CLIP2: variants seen among roughly 807,000 people sequenced by gnomAD.
The protein encoded by CLIP2 is CAP-Gly domain containing linker protein 2, also known as CAP-Gly domain-containing linker protein 2.
CLIP2 carries 41 observed loss-of-function variants against 111.7 expected under a neutral mutation model. That is an observed-to-expected ratio of 0.37 (90% CI 0.29 to 0.48). The LOEUF (loss-of-function observed/expected upper bound fraction) is 0.48, where lower values mean the gene tolerates loss of function less well. CLIP2 is among the 20% of genes least tolerant of loss of function. The probability of loss-of-function intolerance (pLI) is 0.99; values close to 1 mark genes in which losing one functional copy is unlikely to be tolerated. For missense variants in CLIP2, 1,160 were observed against 1,422.1 expected (o/e 0.82, Z 2.96); for synonymous variants, 660 against 644.2 (o/e 1.02, Z -0.37).
intron 13 of CLIP2, among the ~76,000 whole-genome samples, chr7:74,394,515 G>T (rs368671912): frequency 1.2e-4 from 18 of 152,306 alleles, no homozygotes; most frequent in African/African-American, 4.3e-4. Flanking sequence ...CTCCCAAAGT[G>T]CTGGGAGCAC....
In CLIP2 at chr7:74,375,808, C is replaced by T. The variant is rs1194686871; in HGVS notation, c.1486-79C>T. On this transcript the variant is annotated intron_variant, in intron 9 of 16. Coordinates refer to ENST00000223398, the MANE Select transcript of CLIP2 (RefSeq NM_003388.5). ...TGCCCTCGAATGGACGCCCCCTACC[C>T]GGCCCCCACCATTGTGCCCTCCTTA... 1.2e-5 allele frequency: 15 copies of T among 1,255,760 alleles called. 1 individual carries two copies. In the South Asian group the frequency reaches 1.3e-4, roughly 11 times the overall value. The allele number at this position is 1,255,760 out of a possible 1,614,324, so 77.8% of individuals were successfully genotyped here.
At chr7:74,333,422 G>A (rs1174542424) in intron 2 of CLIP2, among the ~76,000 whole-genome samples, 1 of 151,704 alleles carries the variant, frequency 6.6e-6, no homozygotes, top group Non-Finnish European at 1.5e-5. Context: ...GACCTCAGGT[G>A]ATCCACCCAC....
intron 2 of CLIP2, among the ~76,000 whole-genome samples, chr7:74,322,923 G>A (rs2116515578): frequency 6.6e-6 from 1 of 151,984 alleles, no homozygotes; most frequent in Admixed American, 6.6e-5. Flanking sequence ...TAGAGATGGG[G>A]TTTCACCATG....
intron 1 of CLIP2, 51 bp from the exon 2 acceptor site, chr7:74,317,429 C>G: frequency 8.1e-7 from 1 of 1,229,230 alleles, no homozygotes; most frequent in Middle Eastern, 2.9e-4. Flanking sequence ...CCTTGAGGGT[C>G]TGGGGGCCAT....
At position 74,404,440 on chromosome 7, in the gene CLIP2, A is replaced by G. The variant is rs1201617606; in HGVS notation, c.*592A>G. The G allele has an allele frequency of 6.4e-6, 1 of 155,884 alleles. No homozygotes were observed. The highest frequency in any genetic ancestry group is 2.4e-5 in the African/African-American group (1 of 41,486). The allele number at this position is 155,884 out of a possible 1,614,324, so 9.7% of individuals were successfully genotyped here. A position where few individuals can be genotyped will look rare whatever the true frequency, so the allele number is the denominator to read the frequency against. On this transcript the variant is annotated 3_prime_UTR_variant, in exon 17 of 17. Coordinates refer to ENST00000223398, the MANE Select transcript of CLIP2 (RefSeq NM_003388.5). ...CTCCCCTCAGCCAGCCTGCCTGCCCAGCGAGGCCCCCAGGTTCAAGGTGTT... is the reference window on the plus strand; with the variant it reads ...CTCCCCTCAGCCAGCCTGCCTGCCCGGCGAGGCCCCCAGGTTCAAGGTGTT...
In CLIP2 at chr7:74,297,820, C is replaced by CT. The variant is rs1397492395; in HGVS notation, c.-68+8096dup. 6.0e-3 allele frequency among the ~76,000 whole-genome samples: 893 copies of CT among 148,112 alleles called. 7 individuals are homozygous for CT. The highest frequency in any genetic ancestry group is 0.021 in the South Asian group (98 of 4,658). On this transcript the variant is annotated intron_variant, in intron 1 of 16. Coordinates refer to ENST00000223398, the MANE Select transcript of CLIP2 (RefSeq NM_003388.5). ...GAGTAGCGGAGGAGGGCATTTTTTT[C>CT]TTTTTTTTTTGAGATGGAGTCTCGT... is the stretch of plus-strand genomic sequence containing the variant.
chr7:74,341,580 G>C (rs943812593), intron 3 of CLIP2, among the ~76,000 whole-genome samples: 24 of 151,748 alleles, frequency 1.6e-4, no homozygotes, highest in Non-Finnish European at 2.5e-4. Flanking sequence ...CCATGGTGAG[G>C]GCTCTGCTTT....
Position 74,403,779 on chromosome 7 carries a change from C to T in CLIP2, c.3130-58C>T, listed in dbSNP as rs1012331277. ...CTTTCCTCCCTGACTCCCCTCTGGCCGCCTGGCCCTCCAGGCTCTCTGAGA... is the reference window on the plus strand; with the variant it reads ...CTTTCCTCCCTGACTCCCCTCTGGCTGCCTGGCCCTCCAGGCTCTCTGAGA... On this transcript the variant is annotated intron_variant, in intron 16 of 16. Transcript: ENST00000223398. 16 of 1,599,546 alleles carry T rather than the reference C, an allele frequency of 1.0e-5. No homozygotes were observed. The East Asian group carries it at 1.8e-4, about 18-fold the overall frequency.
At chr7:74,367,912 A>G (rs1790505535) in intron 8 of CLIP2, among the ~76,000 whole-genome samples, 1 of 151,902 alleles carries the variant, frequency 6.6e-6, no homozygotes, top group South Asian at 2.1e-4. Flanking sequence ...CCGTGTTTCT[A>G]CAAAAATATT....
intron 2 of CLIP2, among the ~76,000 whole-genome samples, chr7:74,323,191 G>C (rs1363718481): frequency 6.6e-6 from 1 of 150,560 alleles, no homozygotes; most frequent in Admixed American, 6.7e-5. Context: ...GCTCACTGCA[G>C]CCTCGACCTC....
At chr7:74,361,176 T>TTTCCTTCCCTCCTTCCTTCCTTCCTTCC (rs1790318982) in intron 7 of CLIP2, among the ~76,000 whole-genome samples, 2 of 62,016 alleles carry the variant, frequency 3.2e-5, no homozygotes, top group Non-Finnish European at 6.7e-5. Context: ...CCCTCCCTTC[T>TTTCCTTCCCTCCTTCCTTCCTTCCTTCC]TTCCTTCCTT....
rs1364934914 is a variant in CLIP2, at chr7:74,390,169, G to GAAAGA, written c.2720+913_2720+917dup. Among the ~76,000 whole-genome samples the GAAAGA allele has an allele frequency of 2.3e-4, 6 of 26,250 alleles. No individual in the cohort carries two copies. In the East Asian group the frequency reaches 3.6e-3, roughly 16 times the overall value. The allele number at this position is 26,250 out of a possible 152,430, so 17.2% of individuals were successfully genotyped here. ...GAAAGAAAAAGAAAGAAAGAAGAAAGAAAGAAAGAAAGAAAGAAAGAAAGA... is the reference window on the plus strand; with the variant it reads ...GAAAGAAAAAGAAAGAAAGAAGAAAGAAAGAAAAGAAAGAAAGAAAGAAAGAAAGA... On this transcript the variant is annotated intron_variant, in intron 13 of 16. Transcript: ENST00000223398.
At chr7:74,354,076 G>A in intron 4 of CLIP2, 72 bp downstream of exon 4, 1 of 1,517,690 alleles carries the variant, frequency 6.6e-7, no homozygotes, top group South Asian at 1.2e-5. Context: ...GGATGGAGAT[G>A]GGACATTGGA....
chr7:74,368,900 A>G (rs1308542073), intron 8 of CLIP2, among the ~76,000 whole-genome samples: 5 of 152,184 alleles, frequency 3.3e-5, no homozygotes, highest in African/African-American at 1.2e-4. Flanking sequence ...CCCAGACGTC[A>G]TATGGCCAAA....
chr7:74,330,839 C>T (rs1169150541), intron 2 of CLIP2, among the ~76,000 whole-genome samples: 1 of 151,972 alleles, frequency 6.6e-6, no homozygotes, highest in Non-Finnish European at 1.5e-5. Context: ...TCAGTTTTTC[C>T]TTTTCTAAAT....
At chr7:74,349,460 G>A (rs1251517002) in intron 3 of CLIP2, among the ~76,000 whole-genome samples, 2 of 78,166 alleles carry the variant, frequency 2.6e-5, no homozygotes, top group African/African-American at 4.7e-5. Context: ...ATGTATGTGT[G>A]TGTGTGTGTG....
chr7:74,398,898 T>G (rs1472063649), intron 14 of CLIP2, among the ~76,000 whole-genome samples: 2 of 152,220 alleles, frequency 1.3e-5, no homozygotes, highest in Non-Finnish European at 2.9e-5. Context: ...TGCGCAGTGC[T>G]GAGCTCAGAC....
At chr7:74,353,128 G>T (rs1236147953) in intron 3 of CLIP2, among the ~76,000 whole-genome samples, 2 of 151,650 alleles carry the variant, frequency 1.3e-5, no homozygotes, top group African/African-American at 4.8e-5. Context: ...TCCAGCCTAG[G>T]CAACAGAGCA....
intron 13 of CLIP2, among the ~76,000 whole-genome samples, chr7:74,392,292 A>G (rs1554315983): frequency 1.3e-5 from 2 of 150,460 alleles, no homozygotes; most frequent in African/African-American, 2.5e-5. Flanking sequence ...CGGAGCTTGG[A>G]GTGAGCCAAG....
Sources: allele counts gnomAD v4.1 joint callset (sites outside exome capture counted in the v4.1 genomes callset), GRCh38; gene constraint gnomAD v4.1.1; transcripts MANE v1.5; gene names NCBI Gene and HGNC (gene_info 2026-07-23, HGNC 2026-07-21).